Variants in PTPRJ observed in about 807,000 individuals in gnomAD.
PTPRJ encodes the protein receptor-type tyrosine-protein phosphatase eta.
In PTPRJ, 129 loss-of-function variants were observed where a neutral mutation model predicts 141.3. That is an observed-to-expected ratio of 0.91 (90% CI 0.79 to 1.06). The LOEUF is 1.06. PTPRJ is among the 50% of genes least tolerant of loss of function. The pLI, the probability that PTPRJ is intolerant of heterozygous loss-of-function variation, is 0.00. For missense variants in PTPRJ, 1,601 were observed against 1,679.7 expected (o/e 0.95, Z 0.82); for synonymous variants, 610 against 640.5 (o/e 0.95, Z 0.72).
intron 1 of PTPRJ, among the ~76,000 whole-genome samples, chr11:48,002,389 C>T (rs1014036831): frequency 6.6e-6 from 1 of 151,982 alleles, no homozygotes; most frequent in Admixed American, 6.6e-5. Context: ...CTGCCCACCT[C>T]GGCCTCCCAA....
intron 1 of PTPRJ, among the ~76,000 whole-genome samples, chr11:47,990,334 A>G (rs1699367482): frequency 6.6e-6 from 1 of 152,224 alleles, no homozygotes; most frequent in South Asian, 2.1e-4. Flanking sequence ...CAGAAGAGAG[A>G]GGTATTCCAT....
Position 48,136,225 on chromosome 11 carries a change from TATATAAC to T in PTPRJ, c.1805_1811del (p.Tyr602SerfsTer31). The T allele has an allele frequency of 6.2e-7, 1 of 1,614,204 alleles. No homozygotes were observed. The highest frequency in any genetic ancestry group is 8.5e-7 in the Non-Finnish European group (1 of 1,180,032). ...CTCCAGGGCCTGATTCCGGGCACCT[TATATAAC>T]ATCACCATCTCTCCAGAAGTGGACC... On this transcript the variant is annotated frameshift_variant, in exon 9 of 25. Coordinates refer to ENST00000418331, the MANE Select transcript of PTPRJ (RefSeq NM_002843.4). LOFTEE classifies it high-confidence loss of function.
chr11:48,046,918 T>G (rs1383404144), intron 1 of PTPRJ, among the ~76,000 whole-genome samples: 3 of 117,544 alleles, frequency 2.6e-5, no homozygotes, highest in East Asian at 2.0e-4. Flanking sequence ...ATATATTTTT[T>G]TTTTTTTTTT....
At chr11:48,097,561 GGA>G (rs1856042474) in intron 1 of PTPRJ, among the ~76,000 whole-genome samples, 1 of 150,182 alleles carries the variant, frequency 6.7e-6, no homozygotes, top group Admixed American at 6.6e-5. Flanking sequence ...TTTTTGAGAT[GGA>G]GTCTCACTTT....
intron 6 of PTPRJ, among the ~76,000 whole-genome samples, chr11:48,126,728 A>G (rs1856840763): frequency 1.3e-5 from 2 of 151,354 alleles, no homozygotes; most frequent in Non-Finnish European, 1.5e-5. Flanking sequence ...AGGGGTTACA[A>G]TTTCAACATA....
chr11:48,111,233 T>C (rs1428200844), intron 2 of PTPRJ, among the ~76,000 whole-genome samples: 3 of 126,102 alleles, frequency 2.4e-5, no homozygotes, highest in Non-Finnish European at 4.6e-5. Flanking sequence ...TGAGCCGAGA[T>C]CACTCCATTG....
At chr11:48,051,507 A>G (rs980867797) in intron 1 of PTPRJ, among the ~76,000 whole-genome samples, 1 of 152,122 alleles carries the variant, frequency 6.6e-6, no homozygotes, top group African/African-American at 2.4e-5. Flanking sequence ...GATGTGGAAA[A>G]ACCTACTCCT....
In PTPRJ at chr11:48,145,065, C is replaced by A. The variant is rs61738506; in HGVS notation, c.2852C>A (p.Ala951Asp). The change falls in exon 14 of 25, where the codon GCT (alanine) becomes GAT (aspartate). Residue 951 changes from alanine to aspartate, a missense_variant. By Grantham distance (126) the Ala-to-Asp change is moderately radical. Coordinates refer to ENST00000418331, the MANE Select transcript of PTPRJ (RefSeq NM_002843.4). ...CAAAACAAGGGGCTCATTGATGGGGCTGAGAGCTATGTGTCCTTCAGTCGC... is the reference window on the plus strand; with the variant it reads ...CAAAACAAGGGGCTCATTGATGGGGATGAGAGCTATGTGTCCTTCAGTCGC... ...HPQNKGLIDG[A>D]ESYVSFSRYS... 3.1e-6 allele frequency: 5 copies of A among 1,614,192 alleles called. No homozygotes were observed. Among genetic ancestry groups the A allele is most frequent in the Non-Finnish European group, 4.2e-6 (5 of 1,180,030 alleles).
intron 6 of PTPRJ, among the ~76,000 whole-genome samples, chr11:48,127,162 C>T (rs1352685260): frequency 6.6e-6 from 1 of 152,138 alleles, no homozygotes; most frequent in African/African-American, 2.4e-5. Context: ...CCCATGATGC[C>T]TTGCACAAGG....
intron 22 of PTPRJ, among the ~76,000 whole-genome samples, chr11:48,160,703 A>G (rs1857748190): frequency 6.6e-6 from 1 of 152,160 alleles, no homozygotes; most frequent in South Asian, 2.1e-4. Flanking sequence ...TTGAAGTCTG[A>G]GACTATCCTA....
In PTPRJ at chr11:48,156,017, A is replaced by G. The variant is rs1249939796; in HGVS notation, c.3336A>G (p.Thr1112=). The part of the protein sequence containing the change: ...GYHSKKDFIA[T]QGPLPNTLKD... The stretch of plus-strand genomic sequence containing the variant: ...ACTCCAAGAAAGATTTTATTGCCAC[A>G]CAAGGACCTTTACCGAACACTTTGA... The change falls in exon 21 of 25, where the codon ACA becomes ACG. Residue 1112 remains threonine, a synonymous_variant. Coordinates refer to ENST00000418331, the MANE Select transcript of PTPRJ (RefSeq NM_002843.4). 17 of 1,609,128 alleles carry G rather than the reference A, an allele frequency of 1.1e-5. No homozygotes were observed. Among genetic ancestry groups the G allele is most frequent in the East Asian group, 8.9e-5 (4 of 44,856 alleles).
chr11:48,073,268 G>T lies in PTPRJ; in HGVS notation c.97-36790G>T, dbSNP rs549256472. Among the ~76,000 whole-genome samples, 33 of 152,304 alleles carry T rather than the reference G, an allele frequency of 2.2e-4. 1 individual carries two copies. The South Asian group carries it at 6.8e-3, about 32-fold the overall frequency. ...GCCATTCCTGTCCTGGCCTTTACTG[G>T]CAGTCTCTATTCTAAAATGTGGGCA... On this transcript the variant is annotated intron_variant, in intron 1 of 24. Transcript: ENST00000418331.
chr11:48,155,956 G>A, intron 20 of PTPRJ, 29 bp from the exon 21 acceptor site: 1 of 1,605,776 alleles, frequency 6.2e-7, no homozygotes, highest in African/African-American at 1.3e-5. Flanking sequence ...TTTCTTTGAG[G>A]TTGACTATGT....
intron 1 of PTPRJ, among the ~76,000 whole-genome samples, chr11:47,991,523 G>A (rs1854193357): frequency 6.6e-6 from 1 of 152,086 alleles, no homozygotes; most frequent in African/African-American, 2.4e-5. Flanking sequence ...CGGCAGCAAG[G>A]TGATTGTGCA....
intron 23 of PTPRJ, 91 bp from the exon 24 acceptor site, chr11:48,164,289 G>A: frequency 6.6e-7 from 1 of 1,510,142 alleles, no homozygotes. Flanking sequence ...TGACAGTGAA[G>A]GAAAGCAAGA....
chr11:48,093,412 A>G (rs1022073222), intron 1 of PTPRJ, among the ~76,000 whole-genome samples: 8 of 152,220 alleles, frequency 5.3e-5, no homozygotes, highest in Non-Finnish European at 8.8e-5. Flanking sequence ...AACTTTTAGC[A>G]TTGGTGACCA....
intron 1 of PTPRJ, among the ~76,000 whole-genome samples, chr11:48,066,018 G>C (rs1855072634): frequency 6.6e-6 from 1 of 152,186 alleles, no homozygotes. Flanking sequence ...ACGGTGGTGT[G>C]CACCTGTAGT....
intron 8 of PTPRJ, chr11:48,132,138 T>C: frequency 2.0e-6 from 2 of 985,436 alleles, no homozygotes; most frequent in Non-Finnish European, 2.4e-6. Flanking sequence ...GTGTTAGAAA[T>C]TAACTACTGT....
intron 1 of PTPRJ, among the ~76,000 whole-genome samples, chr11:48,049,209 A>T (rs1854487344): frequency 6.6e-6 from 1 of 152,142 alleles, no homozygotes; most frequent in African/African-American, 2.4e-5. Flanking sequence ...ACTAGATGCC[A>T]GTAGCACCCC....
Sources: gnomAD v4.1 joint callset for allele counts (sites outside exome capture counted in the v4.1 genomes callset) on GRCh38, gnomAD v4.1.1 for gene constraint, MANE v1.5 for transcripts, NCBI Gene and HGNC (gene_info 2026-07-23, HGNC 2026-07-21) for gene names.